The following MCPH1 variants were observed in gnomAD, a reference collection of about 807,000 sequenced individuals.
MCPH1 encodes the protein microcephalin 1.
In MCPH1, 104 loss-of-function variants were observed where a neutral mutation model predicts 84.5. That is an observed-to-expected ratio of 1.23 (90% CI 1.05 to 1.45). MCPH1 has a LOEUF of 1.45. Among genes scored for constraint, MCPH1 ranks in the 40% most tolerant of loss-of-function variants. MCPH1 has a pLI of 0.00. For missense variants in MCPH1, 1,498 were observed against 1,005.7 expected (o/e 1.49, Z -6.62); for synonymous variants, 514 against 366.8 (o/e 1.40, Z -4.58).
chr8:6,535,814 G>A (rs1366861184), intron 12 of MCPH1, among the ~76,000 whole-genome samples: 4 of 151,972 alleles, frequency 2.6e-5, no homozygotes, highest in African/African-American at 7.3e-5. Flanking sequence ...TTGGGAGGCC[G>A]AGGCAGGAGG....
intron 11 of MCPH1, among the ~76,000 whole-genome samples, chr8:6,486,316 C>G (rs906771045): frequency 3.9e-5 from 6 of 152,062 alleles, no homozygotes; most frequent in African/African-American, 1.4e-4. Flanking sequence ...CTCTCTCGCT[C>G]TCTCGTCCTC....
At chr8:6,583,901 C>G (rs1261623077) in intron 12 of MCPH1, among the ~76,000 whole-genome samples, 4 of 124,778 alleles carry the variant, frequency 3.2e-5, no homozygotes, top group Admixed American at 9.0e-5. Flanking sequence ...TACCTACCTT[C>G]TGTTCTAAAT....
At chr8:6,579,398 G>T (rs73201331) in intron 12 of MCPH1, among the ~76,000 whole-genome samples, 1,685 of 152,262 alleles carry the variant, frequency 0.011, 19 homozygotes, top group Non-Finnish European at 0.018. Context: ...TCAGCCCTCC[G>T]CTCGGTCTCA....
chr8:6,589,185 A>C (rs1264275333), intron 12 of MCPH1, among the ~76,000 whole-genome samples: 1 of 152,252 alleles, frequency 6.6e-6, no homozygotes, highest in Non-Finnish European at 1.5e-5. Flanking sequence ...ATGTAGTGAC[A>C]TAGAAGTGAA....
Position 6,431,441 on chromosome 8 carries a change from T to C in MCPH1, c.234-58T>C, listed in dbSNP as rs550553198. 360 of 1,266,104 alleles carry C rather than the reference T, an allele frequency of 2.8e-4. 8 individuals carry two copies. The South Asian group carries it at 4.0e-3, about 14-fold the overall frequency. The allele number at this position is 1,266,104 out of a possible 1,614,324, so 78.4% of individuals were successfully genotyped here. On this transcript the variant is annotated intron_variant, in intron 3 of 13. Transcript: ENST00000344683. ...GCTAATACATGTGCAGATTTAGTGC[T>C]GTGTCAATGTATAATAGAAGCAAAT...
chr8:6,531,266 T>C (rs574606655), intron 12 of MCPH1, among the ~76,000 whole-genome samples: 1 of 151,882 alleles, frequency 6.6e-6, no homozygotes, highest in East Asian at 1.9e-4. Context: ...TTGCTGTTAT[T>C]TTACTAGTTT....
intron 7 of MCPH1, among the ~76,000 whole-genome samples, chr8:6,443,987 T>C (rs913663639): frequency 3.9e-5 from 6 of 152,220 alleles, no homozygotes; most frequent in African/African-American, 1.4e-4. Flanking sequence ...GCTGTGTTCA[T>C]TGAGGGAATG....
At chr8:6,547,046 T>C (rs1274111319) in intron 12 of MCPH1, among the ~76,000 whole-genome samples, 1 of 152,130 alleles carries the variant, frequency 6.6e-6, no homozygotes, top group East Asian at 1.9e-4. Flanking sequence ...CATGCACGTG[T>C]TCCGTGTGTA....
chr8:6,465,776 C>T (rs1007264703), intron 9 of MCPH1, among the ~76,000 whole-genome samples: 4 of 152,158 alleles, frequency 2.6e-5, no homozygotes, highest in African/African-American at 9.7e-5. Flanking sequence ...GCTCCTCAGA[C>T]ACGCGGTAAG....
chr8:6,519,657 T>C (rs1816935968), intron 12 of MCPH1, among the ~76,000 whole-genome samples: 1 of 152,224 alleles, frequency 6.6e-6, no homozygotes, highest in Non-Finnish European at 1.5e-5. Flanking sequence ...ACATCATTCA[T>C]ATGCAGCTTT....
At chr8:6,537,562 G>A (rs1453965156) in intron 12 of MCPH1, among the ~76,000 whole-genome samples, 2 of 145,182 alleles carry the variant, frequency 1.4e-5, no homozygotes, top group African/African-American at 2.5e-5. Context: ...ATATATATAT[G>A]TTTACATTAA....
intron 13 of MCPH1, among the ~76,000 whole-genome samples, chr8:6,636,788 A>C (rs918016574): frequency 6.6e-6 from 1 of 152,186 alleles, no homozygotes; most frequent in Non-Finnish European, 1.5e-5. Context: ...CCATTCCAAA[A>C]ATGCCACCCA....
intron 9 of MCPH1, among the ~76,000 whole-genome samples, chr8:6,472,580 C>T (rs1446580182): frequency 2.0e-5 from 3 of 152,058 alleles, no homozygotes; most frequent in East Asian, 1.9e-4. Flanking sequence ...CATTCTCCTG[C>T]CCCAGCCTCC....
At chr8:6,602,073 T>A (rs538892260) in intron 12 of MCPH1, among the ~76,000 whole-genome samples, 1 of 152,328 alleles carries the variant, frequency 6.6e-6, no homozygotes, top group South Asian at 2.1e-4. Flanking sequence ...TAGAGAAGGC[T>A]CTCCATAAAC....
chr8:6,637,883 T>A (rs143046997), intron 13 of MCPH1, among the ~76,000 whole-genome samples: 2 of 152,306 alleles, frequency 1.3e-5, no homozygotes, highest in East Asian at 1.9e-4. Flanking sequence ...GTTGTCATAT[T>A]TTAAATATAC....
chr8:6,617,402 C>G (rs1267712339), intron 12 of MCPH1, among the ~76,000 whole-genome samples: 1 of 151,188 alleles, frequency 6.6e-6, no homozygotes, highest in African/African-American at 2.4e-5. Context: ...GCCTCAGCTT[C>G]CCAAAAGTTA....
intron 2 of MCPH1, among the ~76,000 whole-genome samples, chr8:6,410,640 G>T (rs182234646): frequency 6.6e-6 from 1 of 152,150 alleles, no homozygotes; most frequent in Non-Finnish European, 1.5e-5. Flanking sequence ...TTGATGACGG[G>T]TTTTACAAAA....
chr8:6,499,988 A>C (rs548121577), intron 12 of MCPH1, 59 bp downstream of exon 12: 1 of 1,441,088 alleles, frequency 6.9e-7, no homozygotes, highest in African/African-American at 1.4e-5. Flanking sequence ...AGAAATTATT[A>C]TAAACATAAG....
chr8:6,452,897 A>G (rs1868551), intron 8 of MCPH1, among the ~76,000 whole-genome samples: 108,967 of 152,202 alleles, frequency 0.72, 41,454 homozygotes, highest in Non-Finnish European at 0.83. Context: ...GCAGCTAAAG[A>G]GTGCATGTTC....
Sources: gnomAD v4.1 joint callset for allele counts (sites outside exome capture counted in the v4.1 genomes callset) on GRCh38, gnomAD v4.1.1 for gene constraint, MANE v1.5 for transcripts, NCBI Gene and HGNC (gene_info 2026-07-23, HGNC 2026-07-21) for gene names.